Variants in SNX29 observed in about 807,000 individuals in gnomAD.
SNX29 encodes the protein sorting nexin 29.
In SNX29, 78 loss-of-function variants were observed where a neutral mutation model predicts 102.1. The observed-to-expected ratio is 0.76, with a 90% CI of 0.64 to 0.92. The LOEUF (loss-of-function observed/expected upper bound fraction) is 0.92. Ranked by LOEUF, SNX29 falls within the 40% of genes least tolerant of loss-of-function variation. SNX29 has a pLI of 0.00. For missense variants in SNX29, 1,280 were observed against 1,061.7 expected, an observed-to-expected ratio of 1.21 and a Z score of -2.86; for synonymous variants, 580 against 414.5, an observed-to-expected ratio of 1.40 and a Z score of -4.85.
intron 20 of SNX29, among the ~76,000 whole-genome samples, chr16:12,551,514 G>A (rs993521715): frequency 3.9e-5 from 6 of 152,188 alleles, no homozygotes; most frequent in Non-Finnish European, 5.9e-5. Context: ...TCAGCATCAG[G>A]ATCTTTTTAA....
In SNX29 at chr16:12,571,443, A is replaced by T. The variant is rs771153303; in HGVS notation, c.*2814A>T. On this transcript the variant is annotated 3_prime_UTR_variant, in exon 21 of 21. Coordinates refer to ENST00000566228, the MANE Select transcript of SNX29 (RefSeq NM_032167.5). Reference sequence around the variant, plus strand: ...CTTCTAAGATTACTCGGAGATTTTCAAACAACATCTGAGAACAGAAGCCCC... The same window carrying T: ...CTTCTAAGATTACTCGGAGATTTTCTAACAACATCTGAGAACAGAAGCCCC... 1.7e-5 allele frequency: 4 copies of T among 238,508 alleles called. No individual in the cohort carries two copies. The highest frequency in any genetic ancestry group is 2.4e-5 in the Non-Finnish European group (3 of 123,598). The allele number at this position is 238,508 out of a possible 1,614,324, so 14.8% of individuals were successfully genotyped here.
chr16:12,563,586 G>A (rs1253616935), intron 20 of SNX29, among the ~76,000 whole-genome samples: 1 of 144,246 alleles, frequency 6.9e-6, no homozygotes, highest in African/African-American at 2.5e-5. Context: ...GGTGGCTTAG[G>A]CCTCCATGTC....
At chr16:12,454,951 T>G (rs1343732198) in intron 18 of SNX29, among the ~76,000 whole-genome samples, 1 of 152,158 alleles carries the variant, frequency 6.6e-6, no homozygotes, top group Non-Finnish European at 1.5e-5. Flanking sequence ...TTTCACCATT[T>G]TGGCCAAAGT....
chr16:12,133,294 T>G (rs1412217262), intron 13 of SNX29, among the ~76,000 whole-genome samples: 22 of 138,462 alleles, frequency 1.6e-4, no homozygotes, highest in African/African-American at 5.3e-4. Flanking sequence ...TTTTTTTTTT[T>G]TTTTTTTTTT....
chr16:12,108,824 G>A (rs1391455405), intron 11 of SNX29, among the ~76,000 whole-genome samples: 2 of 152,090 alleles, frequency 1.3e-5, no homozygotes, highest in Admixed American at 6.5e-5. Context: ...AGTACTTGAA[G>A]TTGGGTAATT....
intron 13 of SNX29, among the ~76,000 whole-genome samples, chr16:12,148,573 A>G (rs2055163561): frequency 6.6e-6 from 1 of 152,136 alleles, no homozygotes; most frequent in Non-Finnish European, 1.5e-5. Context: ...ATTTTGCTTA[A>G]CTTTTTCTTA....
chr16:11,979,451 G>A (rs760839305), intron 1 of SNX29, among the ~76,000 whole-genome samples: 1 of 152,166 alleles, frequency 6.6e-6, no homozygotes, highest in Non-Finnish European at 1.5e-5. Flanking sequence ...GATATATTTT[G>A]TTTCTTGAGA....
intron 15 of SNX29, among the ~76,000 whole-genome samples, chr16:12,313,520 C>G (rs971631122): frequency 3.3e-5 from 5 of 152,222 alleles, no homozygotes; most frequent in African/African-American, 7.2e-5. Context: ...AGTGCCCTTC[C>G]ATGACCTGCC....
Position 12,572,739 on chromosome 16 carries a change from G to A in SNX29, c.*4110G>A, listed in dbSNP as rs569661644. 2.8e-6 allele frequency: 3 copies of A among 1,064,082 alleles called. No homozygotes were observed. The highest frequency in any genetic ancestry group is 3.4e-6 in the Non-Finnish European group (3 of 878,544). The allele number at this position is 1,064,082 out of a possible 1,614,324, so 65.9% of individuals were successfully genotyped here. A position where few individuals can be genotyped will look rare whatever the true frequency, so the allele number is the denominator to read the frequency against. On this transcript the variant is annotated 3_prime_UTR_variant, in exon 21 of 21. Transcript: ENST00000566228. ...GGCACAGAACTGATGGCAAAGGAAG[G>A]GCTGGGTTTTCAGCTTCTGGGACCC...
At chr16:12,560,335 C>G (rs146267363) in intron 20 of SNX29, among the ~76,000 whole-genome samples, 2 of 152,126 alleles carry the variant, frequency 1.3e-5, no homozygotes, top group South Asian at 4.2e-4. Context: ...CTGGGTTTAC[C>G]GAAGGGGGAT....
chr16:12,571,586 G>A lies in SNX29; in HGVS notation c.*2957G>A, dbSNP rs1053044566. 8 of 1,054,692 alleles carry A rather than the reference G, an allele frequency of 7.6e-6. No homozygotes were observed. Among genetic ancestry groups the A allele is most frequent in the East Asian group, 5.1e-5 (1 of 19,704 alleles). 65.3% of individuals were successfully genotyped at this position (1,054,692 alleles called of 1,614,324 possible). On this transcript the variant is annotated 3_prime_UTR_variant, in exon 21 of 21. Coordinates refer to ENST00000566228, the MANE Select transcript of SNX29 (RefSeq NM_032167.5). ...AATCCTTCTGTCTTCATGGCCTGCT[G>A]TGCTGAAACAGAACAGCAGGTTCCA... is the stretch of plus-strand genomic sequence containing the variant.
Position 12,261,380 on chromosome 16 carries a change from G to C in SNX29, c.1679-16553G>C, listed in dbSNP as rs373484173. ...TGGAGTGAGTGTTTGCTGAGCTCGG[G>C]TCTGTGCACGTGTCCCCGGCTGGAG... On this transcript the variant is annotated intron_variant, in intron 14 of 20. Coordinates refer to ENST00000566228, the MANE Select transcript of SNX29 (RefSeq NM_032167.5). Among the ~76,000 whole-genome samples the C allele has an allele frequency of 3.6e-4, 49 of 136,284 alleles. 1 individual carries two copies. In the East Asian group the frequency reaches 0.011, roughly 31 times the overall value. 89.4% of individuals were successfully genotyped at this position (136,284 alleles called of 152,430 possible).
intron 7 of SNX29, among the ~76,000 whole-genome samples, chr16:12,051,067 C>T (rs745616248): frequency 2.7e-4 from 41 of 152,220 alleles, no homozygotes; most frequent in Non-Finnish European, 4.9e-4. Flanking sequence ...GTGGCTCATG[C>T]CTATAATCCC....
chr16:12,028,938 A>G (rs891313936), intron 4 of SNX29, among the ~76,000 whole-genome samples: 1 of 151,776 alleles, frequency 6.6e-6, no homozygotes, highest in Non-Finnish European at 1.5e-5. Flanking sequence ...TAGTAGAGAC[A>G]GGTTTCACCA....
At chr16:12,439,668 C>A (rs2085710020) in intron 18 of SNX29, among the ~76,000 whole-genome samples, 1 of 151,406 alleles carries the variant, frequency 6.6e-6, no homozygotes, top group African/African-American at 2.4e-5. Flanking sequence ...CCTCCCACAA[C>A]ATGAAGGAGT....
intron 20 of SNX29, among the ~76,000 whole-genome samples, chr16:12,558,943 C>G (rs542737709): frequency 1.3e-5 from 2 of 152,190 alleles, no homozygotes; most frequent in African/African-American, 4.8e-5. Context: ...GGGTTGATAT[C>G]GGCCCCATGT....
intron 20 of SNX29, among the ~76,000 whole-genome samples, chr16:12,562,369 A>G (rs955832714): frequency 1.4e-5 from 2 of 141,516 alleles, no homozygotes; most frequent in Non-Finnish European, 3.0e-5. Flanking sequence ...TGCTTGCACC[A>G]TTTTTTAAAA....
intron 20 of SNX29, among the ~76,000 whole-genome samples, chr16:12,567,708 G>C (rs1015437106): frequency 2.0e-5 from 3 of 152,168 alleles, no homozygotes; most frequent in East Asian, 3.9e-4. Flanking sequence ...GCTGCAGCAA[G>C]TTATCATTAC....
At chr16:12,319,628 G>A (rs1337117222) in intron 15 of SNX29, among the ~76,000 whole-genome samples, 1 of 152,186 alleles carries the variant, frequency 6.6e-6, no homozygotes, top group Non-Finnish European at 1.5e-5. Context: ...CTGGCAAGGA[G>A]TGAGGTAGTG....
Sources: gnomAD v4.1 joint callset for allele counts (sites outside exome capture counted in the v4.1 genomes callset) on GRCh38, gnomAD v4.1.1 for gene constraint, MANE v1.5 for transcripts, NCBI Gene and HGNC (gene_info 2026-07-23, HGNC 2026-07-21) for gene names.